Variants in LRP1B observed in about 807,000 individuals in gnomAD.
LRP1B encodes low-density lipoprotein receptor-related protein 1B.
In LRP1B, 217 loss-of-function variants were observed where a neutral mutation model predicts 556.6. The observed-to-expected ratio is 0.39, with a 90% CI of 0.35 to 0.44. LRP1B has a LOEUF of 0.44. LRP1B is among the 20% of genes least tolerant of loss of function. LRP1B has a pLI of 1.00. For synonymous variants in LRP1B, 2,047 were observed against 1,865.8 expected (o/e 1.10, Z -2.50); for missense variants, 5,053 against 5,620.8 (o/e 0.90, Z 3.23).
chr2:141,201,773 GAGA>G (rs1384021346), intron 6 of LRP1B, among the ~76,000 whole-genome samples: 1 of 152,042 alleles, frequency 6.6e-6, no homozygotes, highest in Non-Finnish European at 1.5e-5. Flanking sequence ...TATACAATTA[GAGA>G]AGAAGATTCT....
chr2:140,369,643 C>T (rs1164046449), intron 71 of LRP1B, among the ~76,000 whole-genome samples: 2 of 151,532 alleles, frequency 1.3e-5, no homozygotes, highest in African/African-American at 4.9e-5. Flanking sequence ...TATGAGTTAA[C>T]CCTGCTCTGC....
rs898186057 is a variant in LRP1B at position 140,235,986 on chromosome 2, C to T, written c.13561-1102G>A. On this transcript the variant is annotated intron_variant, in intron 89 of 90. Coordinates refer to ENST00000389484, the MANE Select transcript of LRP1B (RefSeq NM_018557.3). ...CAATAGCAATGTGTAAAATATGTAT[C>T]ATGTCTCCACTTCTGTGATATTTTA... 3.3e-5 allele frequency among the ~76,000 whole-genome samples: 5 copies of T among 151,018 alleles called. No individual in the cohort carries two copies. In the East Asian group the frequency reaches 7.9e-4, roughly 24 times the overall value.
intron 10 of LRP1B, among the ~76,000 whole-genome samples, chr2:141,050,971 T>C (rs919746662): frequency 7.2e-5 from 11 of 152,158 alleles, no homozygotes; most frequent in African/African-American, 2.6e-4. Context: ...GGGCAAAGGA[T>C]ATGAACAGAC....
In LRP1B at chr2:141,275,312, C is replaced by T. The variant is rs186010602; in HGVS notation, c.344-20671G>A. Among the ~76,000 whole-genome samples the T allele has an allele frequency of 2.4e-4, 37 of 152,214 alleles. No homozygotes were observed. In the South Asian group the frequency reaches 3.1e-3, roughly 13 times the overall value. ...CAATACTGTGATATAATATTGGAAA[C>T]ATCTGTGTGGTAGGCAGAGTATGGG... On this transcript the variant is annotated intron_variant, in intron 3 of 90. Coordinates refer to ENST00000389484, the MANE Select transcript of LRP1B (RefSeq NM_018557.3).
intron 77 of LRP1B, among the ~76,000 whole-genome samples, chr2:140,341,855 A>G (rs1015724555): frequency 6.6e-6 from 1 of 151,398 alleles, no homozygotes; most frequent in African/African-American, 2.4e-5. Context: ...TTAATGTTTT[A>G]AGAATATTTT....
At chr2:140,675,125 G>A (rs1479496804) in intron 41 of LRP1B, among the ~76,000 whole-genome samples, 1 of 152,142 alleles carries the variant, frequency 6.6e-6, no homozygotes, top group Admixed American at 6.6e-5. Flanking sequence ...CCTTGTTATA[G>A]GAAACTTGTA....
intron 84 of LRP1B, among the ~76,000 whole-genome samples, chr2:140,294,849 T>C (rs576820772): frequency 1.8e-4 from 27 of 152,140 alleles, no homozygotes; most frequent in Admixed American, 7.2e-4. Context: ...ATGTGAGCAA[T>C]ACATGAGAAA....
At chr2:141,793,922 T>C (rs1053104616) in intron 2 of LRP1B, among the ~76,000 whole-genome samples, 7 of 151,924 alleles carry the variant, frequency 4.6e-5, no homozygotes, top group Non-Finnish European at 7.4e-5. Flanking sequence ...AAACTGAACT[T>C]GTTAACTAAG....
chr2:140,721,713 ATTTT>A (rs10616732), intron 35 of LRP1B, among the ~76,000 whole-genome samples: 3 of 125,628 alleles, frequency 2.4e-5, no homozygotes, highest in African/African-American at 6.0e-5. Context: ...ACACCCGGCT[ATTTT>A]TTTTTTTTTT....
At chr2:141,132,077 A>G (rs1701372841) in intron 7 of LRP1B, among the ~76,000 whole-genome samples, 2 of 152,154 alleles carry the variant, frequency 1.3e-5, no homozygotes, top group African/African-American at 2.4e-5. Context: ...ATGATTGAGA[A>G]CATATGATGC....
intron 37 of LRP1B, among the ~76,000 whole-genome samples, chr2:140,709,536 G>T (rs564746652): frequency 7.5e-4 from 114 of 151,924 alleles, no homozygotes; most frequent in African/African-American, 2.6e-3. Flanking sequence ...ATAGCTGAAA[G>T]AAACTGATTT....
intron 18 of LRP1B, among the ~76,000 whole-genome samples, chr2:140,973,776 T>G (rs1337713572): frequency 6.6e-6 from 1 of 152,118 alleles, no homozygotes; most frequent in African/African-American, 2.4e-5. Context: ...AACATAAAAT[T>G]TACCATATTA....
At chr2:141,498,175 T>C (rs1272077361) in intron 2 of LRP1B, among the ~76,000 whole-genome samples, 1 of 151,968 alleles carries the variant, frequency 6.6e-6, no homozygotes, top group Non-Finnish European at 1.5e-5. Context: ...GGCATGAAAT[T>C]GTTTAGTTGC....
chr2:141,826,195 A>T (rs1397047084), intron 1 of LRP1B, among the ~76,000 whole-genome samples: 1 of 151,784 alleles, frequency 6.6e-6, no homozygotes, highest in Non-Finnish European at 1.5e-5. Flanking sequence ...AAATATATAT[A>T]AATTATCAGG....
intron 66 of LRP1B, among the ~76,000 whole-genome samples, chr2:140,411,626 G>T (rs981089818): frequency 6.6e-6 from 1 of 151,930 alleles, no homozygotes; most frequent in Non-Finnish European, 1.5e-5. Flanking sequence ...ATTAGGCAAA[G>T]GATTTCTGTT....
chr2:140,979,922 T>C (rs1696718207), intron 18 of LRP1B, among the ~76,000 whole-genome samples: 1 of 152,064 alleles, frequency 6.6e-6, no homozygotes, highest in Non-Finnish European at 1.5e-5. Flanking sequence ...TTAAAAAAAT[T>C]TAATAGAAAG....
intron 86 of LRP1B, among the ~76,000 whole-genome samples, chr2:140,261,003 T>C (rs1445964174): frequency 2.1e-5 from 3 of 145,308 alleles, no homozygotes; most frequent in African/African-American, 5.1e-5. Flanking sequence ...TCAGTAAATA[T>C]CTGTTGATGA....
chr2:141,998,491 C>CA (rs1441237221), intron 1 of LRP1B, among the ~76,000 whole-genome samples: 4 of 151,908 alleles, frequency 2.6e-5, no homozygotes, highest in African/African-American at 7.2e-5. Context: ...TTAAAAGAGG[C>CA]AAAAAGGTTA....
intron 66 of LRP1B, among the ~76,000 whole-genome samples, chr2:140,426,467 T>C (rs1057229158): frequency 3.9e-5 from 6 of 152,146 alleles, no homozygotes; most frequent in Admixed American, 3.3e-4. Flanking sequence ...GGCCGGTTCC[T>C]GCCTTAACTG....
Sources: gnomAD v4.1 joint callset for allele counts (sites outside exome capture counted in the v4.1 genomes callset) on GRCh38, gnomAD v4.1.1 for gene constraint, MANE v1.5 for transcripts, NCBI Gene and HGNC (gene_info 2026-07-23, HGNC 2026-07-21) for gene names.